LAMA2: variants seen among roughly 807,000 people sequenced by gnomAD.
The protein encoded by LAMA2 is laminin subunit alpha-2.
In LAMA2, 269 loss-of-function variants were observed where a neutral mutation model predicts 364.8. The ratio of observed to expected loss-of-function variants is 0.74; its 90% CI spans 0.67 to 0.82. The LOEUF (loss-of-function observed/expected upper bound fraction) is 0.82. Ranked by LOEUF, LAMA2 falls within the 40% of genes least tolerant of loss-of-function variation. LAMA2 has a pLI of 0.00. For missense variants in LAMA2, 3,807 were observed against 3,873.2 expected (o/e 0.98, Z 0.45); for synonymous variants, 1,379 against 1,370.6 (o/e 1.01, Z -0.14).
intron 1 of LAMA2, among the ~76,000 whole-genome samples, chr6:128,911,293 C>A (rs527317167): frequency 2.5e-4 from 38 of 152,242 alleles, no homozygotes; most frequent in African/African-American, 9.1e-4. Flanking sequence ...AGTGAGACTC[C>A]GTGGGCGTAG....
At chr6:129,232,305 A>G (rs910394986) in intron 12 of LAMA2, among the ~76,000 whole-genome samples, 1 of 152,132 alleles carries the variant, frequency 6.6e-6, no homozygotes, top group South Asian at 2.1e-4. Context: ...ATGACATTAC[A>G]TAGATAGAAA....
intron 1 of LAMA2, among the ~76,000 whole-genome samples, chr6:128,919,232 T>G (rs1403778963): frequency 6.6e-6 from 1 of 152,212 alleles, no homozygotes; most frequent in African/African-American, 2.4e-5. Context: ...TTTCCCTCTT[T>G]GTATGTATTT....
chr6:129,195,818 T>C (rs1336789488), intron 12 of LAMA2, among the ~76,000 whole-genome samples: 2 of 152,198 alleles, frequency 1.3e-5, no homozygotes, highest in Non-Finnish European at 2.9e-5. Flanking sequence ...GCTACAGCTA[T>C]TCAGAAACAG....
Position 129,514,574 on chromosome 6 carries a change from G to A in LAMA2, c.9190G>A (p.Val3064Met). The change falls in exon 64 of 65, where the codon GTG (valine) becomes ATG (methionine). Residue 3064 changes from valine to methionine, a missense_variant. Around this residue, in one of 3 missense-constraint regions of LAMA2, gnomAD observed 3,333 missense variants for 3,345.7 expected, o/e 1.00. Coordinates refer to ENST00000421865, the MANE Select transcript of LAMA2 (RefSeq NM_000426.4). Reference sequence around the variant, plus strand: ...TACATCAGCTGACACAAATGACCCTGTGTTTGTTGGAGGCTTCCCAGGTGA... The same window carrying A: ...TACATCAGCTGACACAAATGACCCTATGTTTGTTGGAGGCTTCCCAGGTGA... Reference protein sequence around the residue: ...ASTSADTNDPVFVGGFPDDLK... With the variant: ...ASTSADTNDPMFVGGFPDDLK... 1 of 1,614,050 alleles carries A rather than the reference G, an allele frequency of 6.2e-7. No homozygotes were observed. Among genetic ancestry groups the A allele is most frequent in the Non-Finnish European group, 8.5e-7 (1 of 1,179,984 alleles).
intron 3 of LAMA2, among the ~76,000 whole-genome samples, chr6:129,094,375 T>C (rs951744481): frequency 3.3e-5 from 5 of 152,212 alleles, no homozygotes; most frequent in African/African-American, 9.6e-5. Flanking sequence ...CATTCAGTCT[T>C]CTGTAAGGCG....
At chr6:129,062,581 T>C (rs1423047038) in intron 3 of LAMA2, among the ~76,000 whole-genome samples, 3 of 152,180 alleles carry the variant, frequency 2.0e-5, no homozygotes, top group Non-Finnish European at 4.4e-5. Context: ...TATACTCTAG[T>C]GTGCCTCTAA....
intron 41 of LAMA2, among the ~76,000 whole-genome samples, chr6:129,435,492 C>T (rs1456522393): frequency 6.6e-6 from 1 of 151,994 alleles, no homozygotes; most frequent in Non-Finnish European, 1.5e-5. Flanking sequence ...AGGAGAAAAT[C>T]CAATTACTTG....
intron 1 of LAMA2, among the ~76,000 whole-genome samples, chr6:128,937,098 T>C (rs1181642531): frequency 6.6e-6 from 1 of 152,192 alleles, no homozygotes; most frequent in African/African-American, 2.4e-5. Context: ...TTTCAGACCA[T>C]GATTGAGTAC....
chr6:129,014,909 C>G (rs932734427), intron 1 of LAMA2, among the ~76,000 whole-genome samples: 2 of 151,752 alleles, frequency 1.3e-5, no homozygotes, highest in Non-Finnish European at 2.9e-5. Context: ...TCATTAGACT[C>G]TAATCAATAA....
At chr6:129,013,390 T>C (rs1163951611) in intron 1 of LAMA2, among the ~76,000 whole-genome samples, 1 of 151,656 alleles carries the variant, frequency 6.6e-6, no homozygotes, top group African/African-American at 2.4e-5. Flanking sequence ...GGAGCCGAGA[T>C]CGCGCCACTG....
Position 129,177,951 on chromosome 6 carries a change from G to A in LAMA2, c.1467+85G>A. On this transcript the variant is annotated intron_variant, in intron 10 of 64. Coordinates refer to ENST00000421865, the MANE Select transcript of LAMA2 (RefSeq NM_000426.4). ...TCTCTGTTGATTTCCTTGGCATTAA[G>A]CAATTTTAATGACTTCTGGAAGTAT... 4 of 1,370,556 alleles carry A rather than the reference G, an allele frequency of 2.9e-6. No homozygotes were observed. In the South Asian group the frequency reaches 4.8e-5, roughly 17 times the overall value. The allele number at this position is 1,370,556 out of a possible 1,614,324, so 84.9% of individuals were successfully genotyped here. A position where few individuals can be genotyped will look rare whatever the true frequency, so the allele number is the denominator to read the frequency against.
intron 12 of LAMA2, among the ~76,000 whole-genome samples, chr6:129,208,837 A>G (rs1354251951): frequency 6.6e-6 from 1 of 152,088 alleles, no homozygotes; most frequent in East Asian, 1.9e-4. Flanking sequence ...AAAGAATAGG[A>G]AGAATTTGCT....
intron 22 of LAMA2, among the ~76,000 whole-genome samples, chr6:129,306,828 C>A (rs1199672843): frequency 6.6e-6 from 1 of 151,538 alleles, no homozygotes; most frequent in East Asian, 1.9e-4. Flanking sequence ...TCTTTTATTT[C>A]TCTACTATAC....
At chr6:128,951,165 G>A (rs1205648392) in intron 1 of LAMA2, among the ~76,000 whole-genome samples, 2 of 152,040 alleles carry the variant, frequency 1.3e-5, no homozygotes, top group Admixed American at 6.6e-5. Context: ...TTGAAATTAG[G>A]CAGATATGAA....
At chr6:129,280,764 A>G (rs539779668) in intron 18 of LAMA2, among the ~76,000 whole-genome samples, 2 of 152,166 alleles carry the variant, frequency 1.3e-5, no homozygotes, top group South Asian at 4.1e-4. Context: ...TAATTCTTCT[A>G]TATATTCAGC....
intron 37 of LAMA2, among the ~76,000 whole-genome samples, chr6:129,396,954 TGACAGTGAGACAATGA>T (rs1472695103): frequency 6.8e-5 from 1 of 14,754 alleles, no homozygotes; most frequent in South Asian, 1.8e-3. Flanking sequence ...CCAGCCTGGA[TGACAGTGAGACAATGA>T]GACAGTGAGA....
At chr6:128,948,815 C>A (rs1780635788) in intron 1 of LAMA2, among the ~76,000 whole-genome samples, 1 of 152,140 alleles carries the variant, frequency 6.6e-6, no homozygotes. Context: ...GACATGTGTG[C>A]TCCAGCTTTA....
rs190638620 is a variant in LAMA2, at chr6:129,348,703, C to G, written c.4437-595C>G. 5.3e-5 allele frequency among the ~76,000 whole-genome samples: 8 copies of G among 152,196 alleles called. No individual in the cohort carries two copies. The East Asian group carries it at 1.5e-3, about 29-fold the overall frequency. On this transcript the variant is annotated intron_variant, in intron 30 of 64. Transcript: ENST00000421865. Reference sequence around the variant, plus strand: ...AAAATAGTCATTTTCATAGAAAAAGCTTTCCCTTTCCTCACACTGAATCAC... The same window carrying G: ...AAAATAGTCATTTTCATAGAAAAAGGTTTCCCTTTCCTCACACTGAATCAC...
At chr6:129,322,848 C>T (rs1183368107) in intron 28 of LAMA2, among the ~76,000 whole-genome samples, 2 of 152,110 alleles carry the variant, frequency 1.3e-5, no homozygotes, top group East Asian at 3.9e-4. Context: ...ATAGTACATT[C>T]AAATACATGC....
Sources: allele counts gnomAD v4.1 joint callset (sites outside exome capture counted in the v4.1 genomes callset), GRCh38; gene constraint gnomAD v4.1.1; regional missense constraint gnomAD v4.1.1; transcripts MANE v1.5; gene names NCBI Gene and HGNC (gene_info 2026-07-23, HGNC 2026-07-21).